OR9Q1: variants seen among roughly 807,000 people sequenced by gnomAD.
OR9Q1 encodes the protein olfactory receptor family 9 subfamily Q member 1, also known as olfactory receptor 9Q1.
For missense variants in OR9Q1, 374 were observed against 378.8 expected (o/e 0.99, Z 0.11); for synonymous variants, 153 against 148.6 (o/e 1.03, Z -0.22).
chr11:58,028,251 C>T (rs1462731293), intron 1 of OR9Q1, among the ~76,000 whole-genome samples: 3 of 152,168 alleles, frequency 2.0e-5, no homozygotes, highest in Non-Finnish European at 2.9e-5. Context: ...TACCCTCCAC[C>T]GTGGTTCCTA....
intron 2 of OR9Q1, among the ~76,000 whole-genome samples, chr11:58,162,859 T>C (rs1344827816): frequency 1.3e-5 from 2 of 152,136 alleles, no homozygotes; most frequent in Non-Finnish European, 2.9e-5. Flanking sequence ...TTCGCAGAGC[T>C]CTTCTGAGGA....
intron 2 of OR9Q1, among the ~76,000 whole-genome samples, chr11:58,066,784 C>A (rs1330063645): frequency 1.3e-5 from 2 of 152,148 alleles, no homozygotes; most frequent in Non-Finnish European, 2.9e-5. Flanking sequence ...TGTCCCTGGG[C>A]CTCCTGGGCC....
At chr11:58,059,093 T>G (rs1447166253) in intron 2 of OR9Q1, among the ~76,000 whole-genome samples, 1 of 152,196 alleles carries the variant, frequency 6.6e-6, no homozygotes, top group Non-Finnish European at 1.5e-5. Flanking sequence ...CACTGGCCTT[T>G]GATATATGCT....
chr11:58,131,188 A>G lies in OR9Q1; in HGVS notation c.-14-48243A>G, dbSNP rs918365857. On this transcript the variant is annotated intron_variant, in intron 2 of 2. Coordinates refer to ENST00000335397, the MANE Select transcript of OR9Q1 (RefSeq NM_001005212.4). ...AATTTCCCCTGAGTTAGGGGATTCA[A>G]ACTCAGACCTCCACAAAGGTTCAGG... 5.9e-5 allele frequency among the ~76,000 whole-genome samples: 9 copies of G among 152,104 alleles called. No homozygotes were observed. The East Asian group carries it at 9.6e-4, about 16-fold the overall frequency.
chr11:58,149,155 T>C (rs1182365702), intron 2 of OR9Q1, among the ~76,000 whole-genome samples: 1 of 152,222 alleles, frequency 6.6e-6, no homozygotes, highest in Non-Finnish European at 1.5e-5. Context: ...AATTCTACCC[T>C]TACTAAATAT....
At chr11:58,138,915 T>C (rs957775615) in intron 2 of OR9Q1, among the ~76,000 whole-genome samples, 21 of 152,136 alleles carry the variant, frequency 1.4e-4, no homozygotes, top group Admixed American at 6.6e-5. Flanking sequence ...TGTCCCCATT[T>C]CACCCCCCAA....
intron 2 of OR9Q1, among the ~76,000 whole-genome samples, chr11:58,097,522 C>T (rs1416452190): frequency 6.6e-6 from 1 of 152,134 alleles, no homozygotes; most frequent in Non-Finnish European, 1.5e-5. Flanking sequence ...AATGTAAAAC[C>T]ATTTTGGAAA....
At chr11:58,108,228 T>C (rs942930130) in intron 2 of OR9Q1, among the ~76,000 whole-genome samples, 1 of 152,204 alleles carries the variant, frequency 6.6e-6, no homozygotes, top group African/African-American at 2.4e-5. Context: ...ATTCACTTTA[T>C]AGTGAGTTGG....
chr11:58,081,885 ATTAG>A (rs1853591070), intron 2 of OR9Q1, among the ~76,000 whole-genome samples: 1 of 150,574 alleles, frequency 6.6e-6, no homozygotes, highest in Non-Finnish European at 1.5e-5. Context: ...TTCTTAAGAT[ATTAG>A]TTACAGTGTT....
At chr11:58,084,186 C>T (rs181784095) in intron 2 of OR9Q1, among the ~76,000 whole-genome samples, 3 of 151,594 alleles carry the variant, frequency 2.0e-5, no homozygotes, top group East Asian at 1.9e-4. Flanking sequence ...CCTTTATTAG[C>T]GGTATTCCTT....
In OR9Q1 at chr11:58,093,839, TATTAGTGTG is replaced by T. The variant is rs1049519064; in HGVS notation, c.-15+37894_-15+37902del. 1.1e-4 allele frequency among the ~76,000 whole-genome samples: 17 copies of T among 149,304 alleles called. 1 individual carries two copies. The highest frequency in any genetic ancestry group is 2.9e-4 in the African/African-American group (12 of 40,802). ...CAGAGAAAAGGAAATGCTTATACAC[TATTAGTGTG>T]AATGTAAATTAGCACAACCTCTAGA... On this transcript the variant is annotated intron_variant, in intron 2 of 2. Coordinates refer to ENST00000335397, the MANE Select transcript of OR9Q1 (RefSeq NM_001005212.4).
chr11:58,146,696 G>A (rs1590615015), intron 2 of OR9Q1, among the ~76,000 whole-genome samples: 1 of 152,182 alleles, frequency 6.6e-6, no homozygotes. Context: ...GGTCAGAAAA[G>A]GCTTCTGAGA....
rs183812460 is a variant in OR9Q1 at position 58,068,316 on chromosome 11, A to T, written c.-15+12369A>T. On this transcript the variant is annotated intron_variant, in intron 2 of 2. Coordinates refer to ENST00000335397, the MANE Select transcript of OR9Q1 (RefSeq NM_001005212.4). ...TGAGCTGAGGTTGTCATTGCACTCC[A>T]GTCTGGGTGACAGAGTGAGACTCTG... is the stretch of plus-strand genomic sequence containing the variant. 4.5e-3 allele frequency among the ~76,000 whole-genome samples: 676 copies of T among 151,256 alleles called. 5 individuals carry two copies. Among genetic ancestry groups the T allele is most frequent in the African/African-American group, 0.015 (639 of 41,246 alleles).
chr11:58,134,395 C>T (rs72921758), intron 2 of OR9Q1, among the ~76,000 whole-genome samples: 1 of 152,294 alleles, frequency 6.6e-6, no homozygotes, highest in Non-Finnish European at 1.5e-5. Flanking sequence ...CCCATTGGCT[C>T]TTTGTATGTG....
At chr11:58,109,219 G>T (rs141462561) in intron 2 of OR9Q1, 8 of 468,146 alleles carry the variant, frequency 1.7e-5, no homozygotes, top group African/African-American at 7.9e-5. Flanking sequence ...ACAGATGAAG[G>T]CACTGGCCAA....
intron 2 of OR9Q1, among the ~76,000 whole-genome samples, chr11:58,168,732 T>C (rs1590624909): frequency 6.6e-6 from 1 of 152,334 alleles, no homozygotes; most frequent in East Asian, 1.9e-4. Context: ...CTAAAAATTT[T>C]TAAAATTTAT....
At chr11:58,151,564 ACTC>A (rs1468060084) in intron 2 of OR9Q1, among the ~76,000 whole-genome samples, 2 of 151,848 alleles carry the variant, frequency 1.3e-5, no homozygotes, top group Non-Finnish European at 2.9e-5. Flanking sequence ...ATAAAGTAAA[ACTC>A]CTCTGTTGAA....
intron 2 of OR9Q1, among the ~76,000 whole-genome samples, chr11:58,151,776 AT>A (rs11321930): frequency 0.17 from 25,234 of 147,654 alleles, 2,300 homozygotes; most frequent in African/African-American, 0.22. Flanking sequence ...CCCCCAGACC[AT>A]TTTTTTTTTT....
At chr11:58,126,596 C>G (rs1465243997) in intron 2 of OR9Q1, among the ~76,000 whole-genome samples, 3 of 152,194 alleles carry the variant, frequency 2.0e-5, no homozygotes, top group African/African-American at 2.4e-5. Context: ...AGAAGGGTGG[C>G]AGCCACAGAT....
Sources: allele counts gnomAD v4.1 joint callset (sites outside exome capture counted in the v4.1 genomes callset), GRCh38; gene constraint gnomAD v4.1.1; transcripts MANE v1.5; gene names NCBI Gene and HGNC (gene_info 2026-07-23, HGNC 2026-07-21).